Variants in PHGDH observed in about 807,000 individuals in gnomAD.
PHGDH encodes the protein D-3-phosphoglycerate dehydrogenase.
A neutral mutation model predicts 52.6 loss-of-function variants in PHGDH; 50 were observed. The ratio of observed to expected loss-of-function variants is 0.95; its 90% confidence interval spans 0.76 to 1.20. The LOEUF is 1.20. PHGDH is among the 50% of genes most tolerant of loss of function. The pLI is 0.00. For missense variants in PHGDH, 630 were observed against 684.6 expected (o/e 0.92, Z 0.89); for synonymous variants, 271 against 280.5 (o/e 0.97, Z 0.34).
chr1:119,720,294 G>A (rs1288879456), intron 1 of PHGDH: 2 of 152,056 alleles, frequency 1.3e-5, no homozygotes, highest in African/African-American at 4.8e-5. Context: ...ATATTGCCTG[G>A]GTGTCTGAGC....
chr1:119,722,242 G>C (rs780889141), intron 2 of PHGDH, among the ~76,000 whole-genome samples: 2 of 152,120 alleles, frequency 1.3e-5, no homozygotes, highest in African/African-American at 2.4e-5. Flanking sequence ...GGGAGGATGA[G>C]AAGCCAGGTG....
At chr1:119,732,852 G>A (rs1360732534) in intron 5 of PHGDH, among the ~76,000 whole-genome samples, 1 of 152,176 alleles carries the variant, frequency 6.6e-6, no homozygotes, top group Admixed American at 6.5e-5. Context: ...CTTGGCTCCT[G>A]AGCATGGAGT....
chr1:119,726,899 G>T lies in PHGDH; in HGVS notation c.405G>T (p.Arg135=), dbSNP rs1325165955. Residue 135 remains arginine, a synonymous_variant, in exon 4 of 12, where the codon CGG becomes CGT. Coordinates refer to ENST00000641023, the MANE Select transcript of PHGDH (RefSeq NM_006623.4). ...CGATGAAGGACGGCAAATGGGAGCG[G>T]AAGAAGGTGAGCAGCGGCCTTGACT... ...TASMKDGKWE[R]KKFMGTELNG... The T allele has an allele frequency of 6.2e-7, 1 of 1,614,192 alleles. No homozygotes were observed. The highest frequency in any genetic ancestry group is 8.5e-7 in the Non-Finnish European group (1 of 1,179,988).
chr1:119,734,139 C>CT (rs755549333), intron 5 of PHGDH, among the ~76,000 whole-genome samples: 2 of 152,196 alleles, frequency 1.3e-5, no homozygotes, highest in Non-Finnish European at 2.9e-5. Flanking sequence ...GGACTGGACC[C>CT]TCCAGCTGCA....
At chr1:119,717,191 C>G (rs1217380395) in intron 1 of PHGDH, among the ~76,000 whole-genome samples, 1 of 124,748 alleles carries the variant, frequency 8.0e-6, no homozygotes, top group Non-Finnish European at 1.6e-5. Flanking sequence ...AAGATCGCGC[C>G]ATTGCACTCC....
rs1184150250 is a variant in PHGDH at position 119,711,943 on chromosome 1, C to G, written c.-80C>G. 3.4e-6 allele frequency: 5 copies of G among 1,481,476 alleles called. No individual in the cohort carries two copies. Among genetic ancestry groups the G allele is most frequent in the African/African-American group, 2.8e-5 (2 of 72,322 alleles). 91.8% of individuals were successfully genotyped at this position (1,481,476 alleles called of 1,614,324 possible). A position where few individuals can be genotyped will look rare whatever the true frequency, so the allele number is the denominator to read the frequency against. On this transcript the variant is annotated 5_prime_UTR_variant, in exon 1 of 12. Coordinates refer to ENST00000641023, the MANE Select transcript of PHGDH (RefSeq NM_006623.4). ...AGCTGGAGAATACTGCCCAGTTACT[C>G]TAGCGCGCCAGGCCGAACCGCAGCT...
At chr1:119,730,884 C>A (rs1571004153) in intron 5 of PHGDH, among the ~76,000 whole-genome samples, 1 of 152,132 alleles carries the variant, frequency 6.6e-6, no homozygotes, top group East Asian at 1.9e-4. Context: ...CAGCCTGAAC[C>A]ATGTGTCATT....
rs116432906 is a variant in PHGDH, at chr1:119,742,255, G to A, written c.1209+358G>A. 4.3e-3 allele frequency: 1,638 copies of A among 382,746 alleles called. 31 individuals are homozygous for A. Among genetic ancestry groups the A allele is most frequent in the African/African-American group, 0.031 (1,497 of 48,434 alleles). The allele number at this position is 382,746 out of a possible 1,614,324, so 23.7% of individuals were successfully genotyped here. ...CAGGGCTCCTCATGCCGTAGCACCC[G>A]GGTTCTTGATTCACTTGCAAGCTCT... On this transcript the variant is annotated intron_variant, in intron 10 of 11. Transcript: ENST00000641023.
At chr1:119,730,025 A>G (rs1368471193) in intron 5 of PHGDH, 2 of 152,050 alleles carry the variant, frequency 1.3e-5, no homozygotes, top group Non-Finnish European at 2.9e-5. Flanking sequence ...GGACCTCATC[A>G]TTCCGGAGAG....
intron 8 of PHGDH, among the ~76,000 whole-genome samples, chr1:119,737,662 C>G (rs1386394808): frequency 6.6e-6 from 1 of 152,092 alleles, no homozygotes; most frequent in Non-Finnish European, 1.5e-5. Context: ...TAGAAATTTG[C>G]ACCCTGTAAG....
chr1:119,726,889 A>T lies in PHGDH; in HGVS notation c.395A>T (p.Lys132Ile), dbSNP rs747903761. 3.1e-6 allele frequency: 5 copies of T among 1,614,214 alleles called. No homozygotes were observed. The East Asian group carries it at 8.9e-5, about 29-fold the overall frequency. ...PQATASMKDG[K>I]WERKKFMGTE... ...GCGACGGCTTCGATGAAGGACGGCA[A>T]ATGGGAGCGGAAGAAGGTGAGCAGC... The change falls in exon 4 of 12, where the codon AAA (lysine) becomes ATA (isoleucine). Residue 132 changes from lysine to isoleucine, a missense_variant. Physicochemically the swap from Lys to Ile is moderately radical, Grantham distance 102. Transcript: ENST00000641023.
intron 1 of PHGDH, chr1:119,712,388 C>G (rs1025824942): frequency 9.4e-6 from 5 of 529,300 alleles, no homozygotes; most frequent in African/African-American, 7.7e-5. Context: ...GCGTCTTTCA[C>G]GTTGGCATGC....
At chr1:119,743,728 G>T in intron 11 of PHGDH, 158 bp from the exon 12 acceptor site, 1 of 741,972 alleles carries the variant, frequency 1.3e-6, no homozygotes, top group South Asian at 1.4e-5. Context: ...CTGAGCAGAT[G>T]CCCTGTTGCT....
Position 119,741,783 on chromosome 1 carries a change from T to A in PHGDH, c.1095T>A (p.Asn365Lys). 1 of 1,613,716 alleles carries A rather than the reference T, an allele frequency of 6.2e-7. No homozygotes were observed. Among genetic ancestry groups the A allele is most frequent in the Non-Finnish European group, 8.5e-7 (1 of 1,179,624 alleles). ...QVITQGTSLK[N>K]AGNCLSPAVI... is the part of the protein sequence containing the mutation. ...TGTCCCCAGGAACATCCCTGAAGAA[T>A]GCTGGGAACTGCCTAAGCCCCGCAG... Residue 365 changes from asparagine (N) to lysine (K), a missense_variant, in exon 10 of 12, where the codon AAT becomes AAA. Asn to Lys is a moderately conservative substitution (Grantham distance 94). Coordinates refer to ENST00000641023, the MANE Select transcript of PHGDH (RefSeq NM_006623.4).
chr1:119,712,287 T>TG, intron 1 of PHGDH, 127 bp downstream of exon 1: 2 of 630,144 alleles, frequency 3.2e-6, no homozygotes, highest in Non-Finnish European at 2.8e-6. Flanking sequence ...CTCCTGAGAT[T>TG]GGGGGGTAGA....
intron 6 of PHGDH, chr1:119,734,968 G>A (rs1571009867): frequency 4.6e-6 from 3 of 657,292 alleles, no homozygotes. Context: ...TGGGGTCTAG[G>A]TAAGCTGGGC....
Position 119,744,090 on chromosome 1 carries a change from C to G in PHGDH, c.*50C>G. On this transcript the variant is annotated 3_prime_UTR_variant, in exon 12 of 12. Coordinates refer to ENST00000641023, the MANE Select transcript of PHGDH (RefSeq NM_006623.4). Reference sequence around the variant, plus strand: ...TCTGGGGCTTTTCTGAAGAAACCCACCCACTGTGATCAATAGGGAGAGAAA... The same window carrying G: ...TCTGGGGCTTTTCTGAAGAAACCCAGCCACTGTGATCAATAGGGAGAGAAA... 5.1e-6 allele frequency: 8 copies of G among 1,557,082 alleles called. No individual in the cohort carries two copies. The highest frequency in any genetic ancestry group is 7.1e-6 in the Non-Finnish European group (8 of 1,128,206).
chr1:119,730,608 C>T (rs368434152), intron 5 of PHGDH, among the ~76,000 whole-genome samples: 1 of 152,184 alleles, frequency 6.6e-6, no homozygotes, highest in East Asian at 1.9e-4. Context: ...CTAAATCTAG[C>T]ATATTTTTAA....
In PHGDH at chr1:119,737,097, T is replaced by C. The variant is rs777684647; in HGVS notation, c.793-17T>C. The C allele has an allele frequency of 1.2e-5, 20 of 1,613,516 alleles. No homozygotes were observed. The highest frequency in any genetic ancestry group is 1.5e-5 in the Non-Finnish European group (18 of 1,179,796). On this transcript the variant is annotated splice_polypyrimidine_tract_variant and intron_variant, in intron 7 of 11. Coordinates refer to ENST00000641023, the MANE Select transcript of PHGDH (RefSeq NM_006623.4). The stretch of plus-strand genomic sequence containing the variant: ...CAGTCCATGGCAGCCAACTTAGAGG[T>C]ATCTCTTTCTGGGCAGGAGCCGCCA...
Sources: allele counts gnomAD v4.1 joint callset (sites outside exome capture counted in the v4.1 genomes callset), GRCh38; gene constraint gnomAD v4.1.1; transcripts MANE v1.5; gene names NCBI Gene and HGNC (gene_info 2026-07-23, HGNC 2026-07-21).